The following NPM1 variants were observed in gnomAD, a reference collection of about 807,000 sequenced individuals.
NPM1 encodes the protein nucleophosmin 1.
Under a neutral mutation model 44.1 loss-of-function variants are expected in NPM1, and 1 was observed. That is an observed-to-expected ratio of 0.02 (90% confidence interval 0.01 to 0.11). The LOEUF (loss-of-function observed/expected upper bound fraction) is 0.11. NPM1 is among the 10% of genes least tolerant of loss of function. NPM1 has a pLI of 1.00. For missense variants in NPM1, 197 were observed against 347.8 expected (o/e 0.57, Z 3.45); for synonymous variants, 126 against 111.8 (o/e 1.13, Z -0.80).
intron 8 of NPM1, among the ~76,000 whole-genome samples, chr5:171,402,949 G>GTTTTT (rs1443065542): frequency 1.6e-5 from 1 of 61,194 alleles, no homozygotes; most frequent in African/African-American, 7.4e-5. Flanking sequence ...ATCTCAGGTA[G>GTTTTT]TTCTTTTTTT....
chr5:171,387,974 T>C lies in NPM1; in HGVS notation c.26T>C (p.Met9Thr). The C allele has an allele frequency of 2.5e-6, 4 of 1,609,484 alleles. No homozygotes were observed. The highest frequency in any genetic ancestry group is 3.4e-6 in the Non-Finnish European group (4 of 1,178,144). MEDSMDMD[M>T]SPLRPQNYLF... Reference sequence around the variant, plus strand: ...ATGGAAGATTCGATGGACATGGACATGAGCCCCCTGAGGCCCCAGAACTAT... The same window carrying C: ...ATGGAAGATTCGATGGACATGGACACGAGCCCCCTGAGGCCCCAGAACTAT... The change falls in exon 1 of 11, where the codon ATG becomes ACG. Residue 9 changes from methionine to threonine, a missense_variant. This residue lies in a region of NPM1 where 14 missense variants were observed against 16.2 expected (regional missense o/e 0.87). Transcript: ENST00000296930.
rs543958094 is a variant in NPM1 at position 171,387,853 on chromosome 5, C to G, written c.-96C>G. ...TAAGCGCGGGGAGCCTGCGTCCTTTCCCTGGTGTGATTCCGTCCTGCGCGG... is the reference window on the plus strand; with the variant it reads ...TAAGCGCGGGGAGCCTGCGTCCTTTGCCTGGTGTGATTCCGTCCTGCGCGG... On this transcript the variant is annotated 5_prime_UTR_variant, in exon 1 of 11. Coordinates refer to ENST00000296930, the MANE Select transcript of NPM1 (RefSeq NM_002520.7). The G allele has an allele frequency of 6.9e-5, 81 of 1,174,718 alleles. No individual in the cohort carries two copies. Among genetic ancestry groups the G allele is most frequent in the Non-Finnish European group, 1.0e-4 (79 of 790,020 alleles). The allele number at this position is 1,174,718 out of a possible 1,614,324, so 72.8% of individuals were successfully genotyped here. A position where few individuals can be genotyped will look rare whatever the true frequency, so the allele number is the denominator to read the frequency against.
At chr5:171,402,300 T>C (rs966453493) in intron 8 of NPM1, among the ~76,000 whole-genome samples, 1 of 150,766 alleles carries the variant, frequency 6.6e-6, no homozygotes, top group Non-Finnish European at 1.5e-5. Flanking sequence ...GAAACCACAA[T>C]GAGATACCAT....
chr5:171,400,922 A>G lies in NPM1; in HGVS notation c.666A>G (p.Ser222=). The G allele has an allele frequency of 6.2e-7, 1 of 1,606,572 alleles. No individual in the cohort carries two copies. Among genetic ancestry groups the G allele is most frequent in the Non-Finnish European group, 8.5e-7 (1 of 1,173,536 alleles). The part of the protein sequence containing the change: ...KDSKPSSTPR[S]KGQESFKKQE... ...CAAAACCATCATCAACACCAAGATC[A>G]AAAGTAAGTGGCTACATTTACACGT... Residue 222 remains serine (S), a synonymous_variant, in exon 8 of 11, where the codon TCA becomes TCG. Coordinates refer to ENST00000296930, the MANE Select transcript of NPM1 (RefSeq NM_002520.7).
At chr5:171,393,466 T>G (rs1770703006) in intron 6 of NPM1, among the ~76,000 whole-genome samples, 2 of 152,240 alleles carry the variant, frequency 1.3e-5, no homozygotes, top group South Asian at 2.1e-4. Flanking sequence ...AAAAGGGATA[T>G]TAAGATTTTC....
chr5:171,400,307 T>TCATCTCATACTGA, intron 7 of NPM1, 97 bp downstream of exon 7: 1 of 1,234,268 alleles, frequency 8.1e-7, no homozygotes, highest in Non-Finnish European at 1.2e-6. Flanking sequence ...GAAGCTGGTG[T>TCATCTCATACTGA]GGGAGATCAT....
At chr5:171,387,481 G>A (rs1189971105), upstream of NPM1, among the ~76,000 whole-genome samples, 1 of 152,224 alleles carries the variant, frequency 6.6e-6, no homozygotes, top group Non-Finnish European at 1.5e-5. Flanking sequence ...CACAGCTAAG[G>A]GCTGCCGACG....
At chr5:171,403,094 G>A (rs1241113202) in intron 8 of NPM1, among the ~76,000 whole-genome samples, 1 of 114,340 alleles carries the variant, frequency 8.7e-6, no homozygotes, top group East Asian at 2.6e-4. Context: ...GTGGAGGGAA[G>A]GTCAGCAGAT....
chr5:171,388,482 G>C (rs1428972258), intron 1 of NPM1, among the ~76,000 whole-genome samples: 2 of 152,084 alleles, frequency 1.3e-5, no homozygotes, highest in African/African-American at 2.4e-5. Flanking sequence ...AGAGCCTGGA[G>C]CTGCCGGACG....
chr5:171,400,843 T>C lies in NPM1; in HGVS notation c.587T>C (p.Ile196Thr), dbSNP rs1771159104. The C allele has an allele frequency of 3.7e-6, 6 of 1,603,558 alleles. No homozygotes were observed. In the African/African-American group the frequency reaches 4.0e-5, roughly 11 times the overall value. Residue 196 changes from isoleucine (I) to threonine (T), a missense_variant, in exon 8 of 11, where the codon ATA becomes ACA. Transcript: ENST00000296930. ...AEEKAPVKKS[I>T]RDTPAKNAQK... Reference sequence around the variant, plus strand: ...AAGATAAATTTCTAATTGCAGTCTATACGAGATACTCCAGCCAAAAATGCA... The same window carrying C: ...AAGATAAATTTCTAATTGCAGTCTACACGAGATACTCCAGCCAAAAATGCA...
At chr5:171,388,808 C>A (rs181870061) in intron 1 of NPM1, among the ~76,000 whole-genome samples, 1 of 152,210 alleles carries the variant, frequency 6.6e-6, no homozygotes, top group South Asian at 2.1e-4. Flanking sequence ...GTAGGTGGAG[C>A]TAGCCCCACT....
rs533624939 is a variant in NPM1 at position 171,394,383 on chromosome 5, A to G, written c.524+1405A>G. Among the ~76,000 whole-genome samples the G allele has an allele frequency of 5.9e-5, 9 of 152,214 alleles. No homozygotes were observed. The South Asian group carries it at 1.5e-3, about 25-fold the overall frequency. ...GACATGGGGTTTCACCACGTTGGCT[A>G]GGCTATTCTCAAACTCCTAACCTCG... On this transcript the variant is annotated intron_variant, in intron 6 of 10. Coordinates refer to ENST00000296930, the MANE Select transcript of NPM1 (RefSeq NM_002520.7).
At chr5:171,406,802 A>G (rs1452618800) in intron 9 of NPM1, 15 of 783,854 alleles carry the variant, frequency 1.9e-5, no homozygotes, top group Admixed American at 1.1e-4. Flanking sequence ...GAGGCAGTTA[A>G]GTTTCTTAAT....
In NPM1 at chr5:171,391,242, A is replaced by G. The variant is rs1371543614; in HGVS notation, c.139-63A>G. On this transcript the variant is annotated intron_variant, in intron 2 of 10. Transcript: ENST00000296930. ...TGACGCATGGCTGCATATAACATTT[A>G]GTGGGGGGGTGTAAAATAGGTGGAA... is the stretch of plus-strand genomic sequence containing the variant. 2.5e-6 allele frequency: 4 copies of G among 1,575,138 alleles called. No individual in the cohort carries two copies. The South Asian group carries it at 3.5e-5, about 14-fold the overall frequency.
At chr5:171,390,847 C>T (rs953647387) in intron 2 of NPM1, among the ~76,000 whole-genome samples, 17 of 152,202 alleles carry the variant, frequency 1.1e-4, no homozygotes, top group Non-Finnish European at 2.5e-4. Context: ...CTCACCCTCC[C>T]GAGTAGCTGG....
At chr5:171,394,043 T>TTTC (rs202099244) in intron 6 of NPM1, among the ~76,000 whole-genome samples, 1,408 of 95,260 alleles carry the variant, frequency 0.015, 38 homozygotes, top group East Asian at 0.13. Context: ...TTTGTTTTCT[T>TTTC]TTTTTTTTTT....
Position 171,390,101 on chromosome 5 carries a change from G to A in NPM1, c.109G>A (p.Glu37Lys). ...KDYHFKVDNDENEHQLSLRTV... is the reference protein window; with the variant it reads ...KDYHFKVDNDKNEHQLSLRTV... ...TTATCACTTTAAGGTGGATAATGAT[G>A]AAAATGAGCACCAGTTATCTTTAAG... Residue 37 changes from glutamate to lysine, a missense_variant, in exon 2 of 11, where the codon GAA becomes AAA. This residue lies in a region of NPM1 where 43 missense variants were observed against 109.6 expected (regional missense o/e 0.39). Transcript: ENST00000296930. 1 of 1,525,898 alleles carries A rather than the reference G, an allele frequency of 6.6e-7. No individual in the cohort carries two copies. Among genetic ancestry groups the A allele is most frequent in the South Asian group, 1.2e-5 (1 of 80,898 alleles). 94.5% of individuals were successfully genotyped at this position (1,525,898 alleles called of 1,614,324 possible).
chr5:171,409,663 G>A (rs2113297503), intron 10 of NPM1, among the ~76,000 whole-genome samples: 1 of 152,310 alleles, frequency 6.6e-6, no homozygotes, highest in South Asian at 2.1e-4. Context: ...CTCATTTCTA[G>A]TTCTTGGTGA....
intron 8 of NPM1, 106 bp downstream of exon 8, chr5:171,401,031 C>A (rs752333167): frequency 3.5e-5 from 27 of 762,096 alleles, no homozygotes; most frequent in Non-Finnish European, 6.1e-5. Flanking sequence ...TTTATAGAAC[C>A]CCTGTAATTG....
Sources: allele counts gnomAD v4.1 joint callset (sites outside exome capture counted in the v4.1 genomes callset), GRCh38; gene constraint gnomAD v4.1.1; regional missense constraint gnomAD v4.1.1; transcripts MANE v1.5; gene names NCBI Gene and HGNC (gene_info 2026-07-23, HGNC 2026-07-21).